Variants in DIAPH2 observed in about 807,000 individuals in gnomAD.
DIAPH2 encodes the protein diaphanous related formin 2.
A neutral mutation model predicts 92.7 loss-of-function variants in DIAPH2; 35 were observed. The ratio of observed to expected loss-of-function variants is 0.38; its 90% CI spans 0.29 to 0.50. The LOEUF (loss-of-function observed/expected upper bound fraction) is 0.50, where lower values mean the gene tolerates loss of function less well. Ranked by LOEUF, DIAPH2 falls within the 20% of genes least tolerant of loss-of-function variation. DIAPH2 has a pLI of 0.94. For synonymous variants in DIAPH2, 301 were observed against 280.4 expected (o/e 1.07, Z -0.73); for missense variants, 701 against 819.5 (o/e 0.86, Z 1.77).
chrX:97,392,430 G>C (rs920122379), intron 25 of DIAPH2, among the ~76,000 whole-genome samples: 2 of 111,895 alleles, frequency 1.8e-5, no homozygotes, highest in Non-Finnish European at 3.8e-5. Flanking sequence ...ACATTAAACT[G>C]TGTGCTGATA....
chrX:97,203,319 T>G (rs1224177831), intron 22 of DIAPH2, among the ~76,000 whole-genome samples: 1 of 107,833 alleles, frequency 9.3e-6, no homozygotes. Flanking sequence ...ATAACTAAGA[T>G]GAGAGCAGAA....
At chrX:97,301,097 A>T in intron 23 of DIAPH2, among the ~76,000 whole-genome samples, 1 of 100,436 alleles carries the variant, frequency 1.0e-5, no homozygotes, top group Non-Finnish European at 2.0e-5. Flanking sequence ...AAGTCAGGAG[A>T]TCGACATCGC....
intron 3 of DIAPH2, among the ~76,000 whole-genome samples, chrX:96,751,874 C>T (rs1269495292): frequency 6.2e-5 from 6 of 96,231 alleles, no homozygotes; most frequent in Non-Finnish European, 8.9e-5. Flanking sequence ...GGGATGGTCT[C>T]GATCTCCTGA....
At chrX:97,583,280 C>T (rs1393677893) in intron 26 of DIAPH2, among the ~76,000 whole-genome samples, 1 of 110,563 alleles carries the variant, frequency 9.0e-6, no homozygotes, top group Admixed American at 9.6e-5. Flanking sequence ...TTTTTCTGTT[C>T]TGTTTTTTCC....
intron 17 of DIAPH2, among the ~76,000 whole-genome samples, chrX:97,065,034 G>A (rs2066624840): frequency 9.0e-6 from 1 of 111,405 alleles, no homozygotes; most frequent in Non-Finnish European, 1.9e-5. Flanking sequence ...TGCCCAGACT[G>A]TATTCTCAAC....
intron 26 of DIAPH2, among the ~76,000 whole-genome samples, chrX:97,577,922 C>T (rs1475240549): frequency 9.0e-6 from 1 of 110,938 alleles, no homozygotes; most frequent in African/African-American, 3.3e-5. Context: ...TCTTCTCTTG[C>T]AGTGAATTTT....
At position 96,745,156 on chromosome X, in the gene DIAPH2, G is replaced by A. The variant is rs1036027904; in HGVS notation, c.342+6394G>A. ...CGAGTAGGTGGGATTACAGGCACGC[G>A]CCACCATGCCTGGCTAATTTTGGAT... On this transcript the variant is annotated intron_variant, in intron 3 of 26. Transcript: ENST00000324765. 1.9e-4 allele frequency among the ~76,000 whole-genome samples: 21 copies of A among 109,616 alleles called. 1 individual carries two copies. The highest frequency in any genetic ancestry group is 1.7e-4 in the Non-Finnish European group (9 of 52,648).
In DIAPH2 at chrX:97,462,426, T is replaced by C. The variant is rs12840286; in HGVS notation, c.3241+32681T>C. Among the ~76,000 whole-genome samples the C allele has an allele frequency of 3.7e-3, 418 of 112,454 alleles. 3 individuals are homozygous for C. Among genetic ancestry groups the C allele is most frequent in the Non-Finnish European group, 6.0e-3 (319 of 53,298 alleles). On this transcript the variant is annotated intron_variant, in intron 26 of 26. Transcript: ENST00000324765. ...TAACTAAATAGCACTAAGAACTGTTTATATCCTGACATTAAGGAAGCTTTG... is the reference window on the plus strand; with the variant it reads ...TAACTAAATAGCACTAAGAACTGTTCATATCCTGACATTAAGGAAGCTTTG...
intron 4 of DIAPH2, among the ~76,000 whole-genome samples, chrX:96,836,456 T>G (rs2064887324): frequency 9.2e-6 from 1 of 108,437 alleles, no homozygotes; most frequent in Admixed American, 1.0e-4. Flanking sequence ...TACTCTATTT[T>G]ATTAGCAAAA....
At chrX:96,925,359 A>G (rs1411650325) in intron 9 of DIAPH2, among the ~76,000 whole-genome samples, 3 of 111,184 alleles carry the variant, frequency 2.7e-5, no homozygotes, top group African/African-American at 9.8e-5. Context: ...AGCATATAGC[A>G]GAAACATACT....
At chrX:97,502,106 T>C (rs964993976) in intron 26 of DIAPH2, among the ~76,000 whole-genome samples, 3 of 111,315 alleles carry the variant, frequency 2.7e-5, no homozygotes, top group African/African-American at 9.8e-5. Context: ...TCCAGCCTTA[T>C]TTTTTTTTAT....
In DIAPH2 at chrX:96,685,123, G is replaced by A. The variant is rs866219137; in HGVS notation, c.65G>A (p.Arg22Gln). ...GGGSEEPGGG[R>Q]SNKRSAGNRA... ...GGCAGCGAGGAACCCGGTGGGGGCC[G>A]GAGCAACAAGCGGAGCGCGGGGAAC... The change falls in exon 1 of 27, where the codon CGG (arginine) becomes CAG (glutamine). Residue 22 changes from arginine to glutamine, a missense_variant. This residue lies in a region of DIAPH2 where 131 missense variants were observed against 145.6 expected (regional missense o/e 0.90). Transcript: ENST00000324765. The A allele has an allele frequency of 9.8e-7, 1 of 1,016,376 alleles. No individual in the cohort carries two copies. The allele number at this position is 1,016,376 out of a possible 1,213,427, so 83.8% of individuals were successfully genotyped here.
chrX:97,316,497 A>C (rs1321909721), intron 23 of DIAPH2, among the ~76,000 whole-genome samples: 1 of 108,098 alleles, frequency 9.3e-6, no homozygotes, highest in African/African-American at 3.4e-5. Flanking sequence ...AAAAAAAAAA[A>C]AAAAAAAAAC....
intron 10 of DIAPH2, among the ~76,000 whole-genome samples, chrX:96,931,206 G>T (rs2065617076): frequency 9.0e-6 from 1 of 110,832 alleles, no homozygotes; most frequent in Non-Finnish European, 1.9e-5. Flanking sequence ...TGATTTCATT[G>T]GTATTCAGGA....
At chrX:97,580,047 G>C (rs1284134681) in intron 26 of DIAPH2, among the ~76,000 whole-genome samples, 3 of 111,806 alleles carry the variant, frequency 2.7e-5, no homozygotes, top group African/African-American at 9.8e-5. Context: ...GAAGTTGCCT[G>C]TCAGCTTAAG....
intron 4 of DIAPH2, among the ~76,000 whole-genome samples, chrX:96,804,401 CCCATTCT>C (rs1420814035): frequency 3.6e-5 from 4 of 111,628 alleles, no homozygotes; most frequent in Non-Finnish European, 7.5e-5. Flanking sequence ...CCCAACATTC[CCCATTCT>C]CCATTTAGCA....
chrX:96,868,804 A>G (rs1032854989), intron 4 of DIAPH2, among the ~76,000 whole-genome samples: 2 of 111,980 alleles, frequency 1.8e-5, no homozygotes, highest in Non-Finnish European at 3.8e-5. Flanking sequence ...CAAAAATGAT[A>G]CCATATGCAC....
chrX:96,873,671 CACACACACAT>C (rs1326280636), intron 4 of DIAPH2, among the ~76,000 whole-genome samples: 2 of 108,941 alleles, frequency 1.8e-5, no homozygotes, highest in Admixed American at 2.0e-4. Flanking sequence ...CACACACACA[CACACACACAT>C]ATAAAAATAT....
chrX:97,499,785 A>T (rs1284213491), intron 26 of DIAPH2, among the ~76,000 whole-genome samples: 1 of 112,598 alleles, frequency 8.9e-6, no homozygotes, highest in East Asian at 2.8e-4. Context: ...GATAACTTTA[A>T]TTATAATTAT....
Sources: gnomAD v4.1 joint callset for allele counts (sites outside exome capture counted in the v4.1 genomes callset) on GRCh38, gnomAD v4.1.1 for gene constraint, gnomAD v4.1.1 regional missense constraint, MANE v1.5 for transcripts, NCBI Gene and HGNC (gene_info 2026-07-23, HGNC 2026-07-21) for gene names.